Variants in HIVEP1 observed in about 807,000 individuals in gnomAD.
HIVEP1 encodes the protein HIVEP zinc finger 1.
A neutral mutation model predicts 180.0 loss-of-function variants in HIVEP1; 36 were observed. The observed-to-expected ratio is 0.20, with a 90% CI of 0.15 to 0.26. The LOEUF (loss-of-function observed/expected upper bound fraction) is 0.26, where lower values mean the gene tolerates loss of function less well. Among genes scored for constraint, HIVEP1 ranks in the 10% least tolerant of loss-of-function variants. The pLI is 1.00. For missense variants in HIVEP1, 3,143 were observed against 3,268.7 expected, an observed-to-expected ratio of 0.96 and a Z score of 0.94; for synonymous variants, 1,239 against 1,239.0, an observed-to-expected ratio of 1.00 and a Z score of 0.00.
rs140172281 is a variant in HIVEP1, at chr6:12,091,877, G to T, written c.94+2640G>T. On this transcript the variant is annotated intron_variant, in intron 3 of 8. Transcript: ENST00000379388. Reference sequence around the variant, plus strand: ...TTGACACTATTTTTAAAATTGTTGAGTGGGATTTAAATGAAATAGTGACTG... The same window carrying T: ...TTGACACTATTTTTAAAATTGTTGATTGGGATTTAAATGAAATAGTGACTG... 7.0e-3 allele frequency among the ~76,000 whole-genome samples: 1,059 copies of T among 152,224 alleles called. 3 individuals are homozygous for T. Among genetic ancestry groups the T allele is most frequent in the Non-Finnish European group, 0.013 (854 of 67,986 alleles).
intron 2 of HIVEP1, among the ~76,000 whole-genome samples, chr6:12,042,372 C>A (rs1282985364): frequency 2.4e-5 from 3 of 127,062 alleles, no homozygotes; most frequent in Non-Finnish European, 4.9e-5. Context: ...TGAGCCACCG[C>A]ACCCGGCCGC....
intron 2 of HIVEP1, among the ~76,000 whole-genome samples, chr6:12,080,223 C>T (rs1261356381): frequency 6.6e-6 from 1 of 152,088 alleles, no homozygotes; most frequent in Non-Finnish European, 1.5e-5. Flanking sequence ...ACCTGGGCTC[C>T]TGTGGGCTCT....
intron 2 of HIVEP1, among the ~76,000 whole-genome samples, chr6:12,039,566 G>C (rs563621155): frequency 6.6e-6 from 1 of 152,256 alleles, no homozygotes; most frequent in South Asian, 2.1e-4. Flanking sequence ...TTGTTCTATT[G>C]ACGCCAAGTT....
intron 3 of HIVEP1, among the ~76,000 whole-genome samples, chr6:12,104,815 A>T (rs1206989014): frequency 6.6e-6 from 1 of 151,986 alleles, no homozygotes; most frequent in African/African-American, 2.4e-5. Flanking sequence ...TCTGTAATTT[A>T]TATTTGGCTT....
the HIVEP1 span, among the ~76,000 whole-genome samples, chr6:12,175,816 G>A: frequency 6.6e-6 from 1 of 152,176 alleles, no homozygotes; most frequent in Non-Finnish European, 1.5e-5. Context: ...CAGTGTGTGA[G>A]ATCTTTGTAG....
chr6:12,041,734 G>T (rs1769738354), intron 2 of HIVEP1, among the ~76,000 whole-genome samples: 1 of 151,880 alleles, frequency 6.6e-6, no homozygotes, highest in Non-Finnish European at 1.5e-5. Context: ...CTTGATCTTG[G>T]CTCACTGCAA....
rs567316240 is a variant in HIVEP1, at chr6:12,084,863, G to T, written c.41-4321G>T. Among the ~76,000 whole-genome samples the T allele has an allele frequency of 8.7e-4, 132 of 152,246 alleles. 1 individual carries two copies. Among genetic ancestry groups the T allele is most frequent in the Non-Finnish European group, 1.6e-3 (108 of 68,000 alleles). On this transcript the variant is annotated intron_variant, in intron 2 of 8. Coordinates refer to ENST00000379388, the MANE Select transcript of HIVEP1 (RefSeq NM_002114.4). ...ATGAGAGAAGGATGAGCTGATAGAA[G>T]TAGGTGAGACATGACTTAAATCTCT...
downstream of HIVEP1, among the ~76,000 whole-genome samples, chr6:12,169,231 T>C (rs1025851174): frequency 5.9e-5 from 9 of 152,206 alleles, no homozygotes; most frequent in Admixed American, 2.0e-4. Flanking sequence ...AATAGATTCA[T>C]TGGGATGTAA....
At chr6:12,154,482 C>T (rs1759900327) in intron 7 of HIVEP1, among the ~76,000 whole-genome samples, 1 of 152,202 alleles carries the variant, frequency 6.6e-6, no homozygotes, top group African/African-American at 2.4e-5. Flanking sequence ...GCTTGCATTC[C>T]TCTTAGGTTC....
rs747706103 is a variant in HIVEP1, at chr6:12,125,782, G to A, written c.5987G>A (p.Gly1996Glu). The stretch of plus-strand genomic sequence containing the variant: ...CTCCTTAATTCAAAACAGAACACTG[G>A]AAAATCACTATACTGTCAAGCAATA... ...LALLNSKQNT[G>E]KSLYCQAITT... Residue 1996 changes from glycine (G) to glutamate (E), a missense_variant, in exon 4 of 9, where the codon GGA becomes GAA. By Grantham distance (98) the Gly-to-Glu change is moderately conservative. This residue lies in a region of HIVEP1 where 1,357 missense variants were observed against 1,260.5 expected (regional missense o/e 1.08). Transcript: ENST00000379388. The A allele has an allele frequency of 3.7e-5, 60 of 1,613,884 alleles. 1 individual carries two copies. In the South Asian group the frequency reaches 6.5e-4, roughly 17 times the overall value.
the HIVEP1 span, among the ~76,000 whole-genome samples, chr6:12,191,252 T>G: frequency 6.6e-6 from 1 of 152,224 alleles, no homozygotes. Context: ...TTACTTTGTC[T>G]ACATTGATTT....
chr6:12,150,586 T>C (rs1366855638), intron 7 of HIVEP1, among the ~76,000 whole-genome samples: 2 of 152,206 alleles, frequency 1.3e-5, no homozygotes, highest in East Asian at 3.8e-4. Flanking sequence ...TCGGGATTTT[T>C]ATAGAACACA....
downstream of HIVEP1, among the ~76,000 whole-genome samples, chr6:12,167,492 A>G (rs2113705305): frequency 7.4e-6 from 1 of 134,528 alleles, no homozygotes; most frequent in African/African-American, 2.7e-5. Flanking sequence ...AAAATTCTAA[A>G]TTTCCTACTT....
the HIVEP1 span, among the ~76,000 whole-genome samples, chr6:12,195,775 A>G: frequency 2.6e-5 from 4 of 152,234 alleles, no homozygotes; most frequent in African/African-American, 9.6e-5. Flanking sequence ...TCAAATTGCT[A>G]AATTGGTTGA....
intron 7 of HIVEP1, among the ~76,000 whole-genome samples, chr6:12,148,335 C>A (rs534458814): frequency 6.6e-6 from 1 of 152,304 alleles, no homozygotes; most frequent in East Asian, 1.9e-4. Flanking sequence ...ATAGGGGATA[C>A]CTGCCCCTCT....
chr6:12,182,703 C>G, the HIVEP1 span, among the ~76,000 whole-genome samples: 1 of 152,158 alleles, frequency 6.6e-6, no homozygotes, highest in Non-Finnish European at 1.5e-5. Context: ...ATCTTCCATT[C>G]TTTCCTTCTT....
At chr6:12,014,045 G>A (rs902669539) in intron 1 of HIVEP1, among the ~76,000 whole-genome samples, 1 of 152,186 alleles carries the variant, frequency 6.6e-6, no homozygotes, top group Admixed American at 6.5e-5. Context: ...ATAGTTCAGC[G>A]TTTTTGTGTG....
chr6:12,162,244 A>G (rs1442395582), intron 8 of HIVEP1, among the ~76,000 whole-genome samples: 1 of 148,352 alleles, frequency 6.7e-6, no homozygotes, highest in Admixed American at 6.7e-5. Context: ...AAAACGTGAC[A>G]GTGGCGAACA....
At chr6:12,087,956 G>A (rs1561927080) in intron 2 of HIVEP1, among the ~76,000 whole-genome samples, 1 of 152,172 alleles carries the variant, frequency 6.6e-6, no homozygotes. Context: ...TTGTTGAGAT[G>A]TAATGTCCTA....
Sources: allele counts gnomAD v4.1 joint callset (sites outside exome capture counted in the v4.1 genomes callset), GRCh38; gene constraint gnomAD v4.1.1; regional missense constraint gnomAD v4.1.1; transcripts MANE v1.5; gene names NCBI Gene and HGNC (gene_info 2026-07-23, HGNC 2026-07-21).